MCTP1: variants seen among roughly 807,000 people sequenced by gnomAD.
MCTP1 encodes the protein multiple C2 and transmembrane domain containing 1.
MCTP1 carries 69 observed loss-of-function variants against 120.6 expected under a neutral mutation model. The observed-to-expected ratio is 0.57, with a 90% CI of 0.47 to 0.70. The LOEUF is 0.70. MCTP1 is among the 30% of genes least tolerant of loss of function. The pLI is 0.00. For missense variants in MCTP1, 1,203 were observed against 1,248.8 expected (o/e 0.96, Z 0.55); for synonymous variants, 529 against 493.1 (o/e 1.07, Z -0.96).
chr5:94,730,078 G>A (rs1335151147), intron 19 of MCTP1, among the ~76,000 whole-genome samples: 1 of 152,158 alleles, frequency 6.6e-6, no homozygotes, highest in Non-Finnish European at 1.5e-5. Context: ...AGTCACCATA[G>A]ACATATTACT....
intron 1 of MCTP1, among the ~76,000 whole-genome samples, chr5:95,073,768 A>T (rs976005835): frequency 6.6e-6 from 1 of 152,110 alleles, no homozygotes; most frequent in East Asian, 1.9e-4. Context: ...TCCTTGAAGC[A>T]TTCTTGGTGC....
chr5:94,894,775 C>T lies in MCTP1; in HGVS notation c.1713G>A (p.Leu571=). The T allele has an allele frequency of 6.2e-7, 1 of 1,613,350 alleles. No homozygotes were observed. Among genetic ancestry groups the T allele is most frequent in the Non-Finnish European group, 8.5e-7 (1 of 1,179,532 alleles). The change falls in exon 11 of 23, where the codon CTG becomes CTA. Residue 571 remains leucine (L), a synonymous_variant. Coordinates refer to ENST00000515393, the MANE Select transcript of MCTP1 (RefSeq NM_024717.7). ...GCACCAGGTGTCCCTCACCCTCTTC[C>T]AGCTGCAACTCCAGCTTGTGCGTCT... ...REQTHKLELQ[L]EEGEGHLVLL...
intron 19 of MCTP1, among the ~76,000 whole-genome samples, chr5:94,772,887 C>A (rs1403049388): frequency 6.6e-6 from 1 of 152,138 alleles, no homozygotes; most frequent in Non-Finnish European, 1.5e-5. Context: ...GTAGGTCTGG[C>A]TCTTCCACTT....
At chr5:95,202,887 C>A (rs192507436) in intron 1 of MCTP1, among the ~76,000 whole-genome samples, 1 of 152,144 alleles carries the variant, frequency 6.6e-6, no homozygotes, top group African/African-American at 2.4e-5. Context: ...GCCGCCAGAC[C>A]CAACTAATTT....
chr5:95,026,828 A>G (rs1177397541), intron 1 of MCTP1, among the ~76,000 whole-genome samples: 1 of 152,190 alleles, frequency 6.6e-6, no homozygotes, highest in Non-Finnish European at 1.5e-5. Context: ...AATAAAGCCC[A>G]CTTAAAGTTA....
intron 1 of MCTP1, among the ~76,000 whole-genome samples, chr5:95,112,486 T>C (rs1377251892): frequency 6.6e-6 from 1 of 152,248 alleles, no homozygotes; most frequent in African/African-American, 2.4e-5. Context: ...GAACAAACTT[T>C]AAAATGTTTT....
At chr5:94,967,108 C>G (rs1427887663) in intron 2 of MCTP1, among the ~76,000 whole-genome samples, 1 of 152,138 alleles carries the variant, frequency 6.6e-6, no homozygotes, top group African/African-American at 2.4e-5. Context: ...GCACAGAGGC[C>G]TATACACTCA....
intron 12 of MCTP1, among the ~76,000 whole-genome samples, chr5:94,877,439 G>C (rs1431278137): frequency 6.6e-6 from 1 of 151,836 alleles, no homozygotes; most frequent in South Asian, 2.1e-4. Context: ...ACACTTGAGA[G>C]ACTCTTTTAC....
At position 94,859,150 on chromosome 5, in the gene MCTP1, A is replaced by G. The variant is rs571957800; in HGVS notation, c.2436+9183T>C. Reference sequence around the variant, plus strand: ...GTGGTAGAAGTCTGATACTCTGAGAATTAAAAAATGAAGGAAAAAGTGCAC... The same window carrying G: ...GTGGTAGAAGTCTGATACTCTGAGAGTTAAAAAATGAAGGAAAAAGTGCAC... On this transcript the variant is annotated intron_variant, in intron 17 of 22. Transcript: ENST00000515393. Among the ~76,000 whole-genome samples the G allele has an allele frequency of 6.6e-5, 10 of 151,902 alleles. 1 individual carries two copies. The South Asian group carries it at 2.1e-3, about 31-fold the overall frequency.
At chr5:95,011,520 T>A (rs1249129091) in intron 2 of MCTP1, among the ~76,000 whole-genome samples, 1 of 152,084 alleles carries the variant, frequency 6.6e-6, no homozygotes, top group African/African-American at 2.4e-5. Flanking sequence ...GGTGACTCGA[T>A]CACGGGGGCA....
chr5:94,732,966 A>G (rs1046579453), intron 19 of MCTP1, among the ~76,000 whole-genome samples: 18 of 152,268 alleles, frequency 1.2e-4, no homozygotes, highest in South Asian at 4.1e-4. Flanking sequence ...AATTATTTTT[A>G]TATATTAAAA....
At position 94,885,773 on chromosome 5, in the gene MCTP1, T is replaced by A. The variant is rs561821050; in HGVS notation, c.1933+3106A>T. On this transcript the variant is annotated intron_variant, in intron 12 of 22. Transcript: ENST00000515393. ...CTGGTTAGTTGAAAGGTAAGTAAGTTGTACTGAGAGGTATTTTTCAGTGAC... is the reference window on the plus strand; with the variant it reads ...CTGGTTAGTTGAAAGGTAAGTAAGTAGTACTGAGAGGTATTTTTCAGTGAC... 2.2e-4 allele frequency among the ~76,000 whole-genome samples: 33 copies of A among 152,252 alleles called. 1 individual carries two copies. The highest frequency in any genetic ancestry group is 2.0e-3 in the Admixed American group (30 of 15,278).
chr5:95,125,573 T>C (rs1758559217), intron 1 of MCTP1, among the ~76,000 whole-genome samples: 1 of 152,236 alleles, frequency 6.6e-6, no homozygotes, highest in African/African-American at 2.4e-5. Flanking sequence ...ACAAAGATGC[T>C]TTATGAAATC....
chr5:95,284,195 C>T lies in MCTP1; in HGVS notation c.381G>A (p.Glu127=), dbSNP rs1201343754. ...QGSTLRRRIR[E]HLLPAVKGPA... The stretch of plus-strand genomic sequence containing the variant: ...GCCCCTTTACGGCGGGGAGCAAATG[C>T]TCGCGGATCCGGCGGCGTAGCGTGG... Residue 127 remains glutamate (E), a synonymous_variant, in exon 1 of 23, where the codon GAG becomes GAA. Coordinates refer to ENST00000515393, the MANE Select transcript of MCTP1 (RefSeq NM_024717.7). The surrounding 1 kb of genome is among the most constrained non-coding windows in gnomAD (Gnocchi z 5.2). 1.9e-6 allele frequency: 3 copies of T among 1,546,808 alleles called. No individual in the cohort carries two copies. Among genetic ancestry groups the T allele is most frequent in the Admixed American group, 1.9e-5 (1 of 52,436 alleles).
At position 95,222,520 on chromosome 5, in the gene MCTP1, G is replaced by A. The variant is rs188850461; in HGVS notation, c.720+61336C>T. ...GATACCTAATTGTTTATTCAACACA[G>A]TTTACTTGAGTTTGATATCTGAACA... On this transcript the variant is annotated intron_variant, in intron 1 of 22. Transcript: ENST00000515393. 1.4e-3 allele frequency among the ~76,000 whole-genome samples: 207 copies of A among 152,268 alleles called. 1 individual carries two copies. Among genetic ancestry groups the A allele is most frequent in the African/African-American group, 4.7e-3 (197 of 41,566 alleles).
At chr5:94,737,539 G>C (rs1235048188) in intron 19 of MCTP1, among the ~76,000 whole-genome samples, 1 of 152,080 alleles carries the variant, frequency 6.6e-6, no homozygotes, top group Non-Finnish European at 1.5e-5. Flanking sequence ...CTGTAGTTTT[G>C]TTTCAATAAC....
At chr5:95,068,504 G>C (rs1490419405) in intron 1 of MCTP1, among the ~76,000 whole-genome samples, 2 of 152,336 alleles carry the variant, frequency 1.3e-5, no homozygotes, top group East Asian at 3.9e-4. Flanking sequence ...GCAGATGACA[G>C]ATGTGAAGAT....
intron 2 of MCTP1, among the ~76,000 whole-genome samples, chr5:94,999,614 C>G (rs1833276981): frequency 6.6e-6 from 1 of 152,168 alleles, no homozygotes; most frequent in Non-Finnish European, 1.5e-5. Context: ...TAAAATTGAT[C>G]CTCTTTTCCA....
At chr5:95,259,205 T>C (rs1406963776) in intron 1 of MCTP1, among the ~76,000 whole-genome samples, 1 of 152,200 alleles carries the variant, frequency 6.6e-6, no homozygotes, top group Non-Finnish European at 1.5e-5. Flanking sequence ...GAATCATCCC[T>C]GCCAACATTT....
Sources: allele counts gnomAD v4.1 joint callset (sites outside exome capture counted in the v4.1 genomes callset), GRCh38; gene constraint gnomAD v4.1.1; non-coding constraint Gnocchi (gnomAD v3.1); transcripts MANE v1.5; gene names NCBI Gene and HGNC (gene_info 2026-07-23, HGNC 2026-07-21).